The following NKAIN3 variants were observed in gnomAD, a reference collection of about 807,000 sequenced individuals.
NKAIN3 encodes the protein sodium/potassium-transporting ATPase subunit beta-1-interacting protein 3.
NKAIN3 carries 25 observed loss-of-function variants against 30.2 expected under a neutral mutation model. That is an observed-to-expected ratio of 0.83 (90% CI 0.60 to 1.16). The LOEUF is 1.16. Among genes scored for constraint, NKAIN3 ranks in the 50% most tolerant of loss-of-function variants. The probability of loss-of-function intolerance (pLI) is 0.00; values close to 1 mark genes in which losing one functional copy is unlikely to be tolerated. For synonymous variants in NKAIN3, 91 were observed against 89.6 expected, an observed-to-expected ratio of 1.02 and a Z score of -0.09; for missense variants, 225 against 254.1, an observed-to-expected ratio of 0.89 and a Z score of 0.78.
intron 1 of NKAIN3, among the ~76,000 whole-genome samples, chr8:62,355,774 C>T (rs1430397614): frequency 6.6e-6 from 1 of 152,118 alleles, no homozygotes; most frequent in Non-Finnish European, 1.5e-5. Flanking sequence ...ACATTTAGAG[C>T]CATTTTGGGG....
chr8:62,683,059 A>G (rs1334954036), intron 3 of NKAIN3, among the ~76,000 whole-genome samples: 5 of 151,784 alleles, frequency 3.3e-5, no homozygotes, highest in Non-Finnish European at 7.4e-5. Context: ...TTTGAGACAG[A>G]GTCTAGCTCT....
At chr8:62,937,445 T>A (rs1822819863) in intron 5 of NKAIN3, among the ~76,000 whole-genome samples, 1 of 152,086 alleles carries the variant, frequency 6.6e-6, no homozygotes, top group Non-Finnish European at 1.5e-5. Flanking sequence ...GAATTTAACC[T>A]TACCTAGAGC....
intron 1 of NKAIN3, among the ~76,000 whole-genome samples, chr8:62,431,726 T>C (rs762807769): frequency 3.3e-5 from 5 of 151,770 alleles, no homozygotes; most frequent in Non-Finnish European, 7.4e-5. Flanking sequence ...TTAGGTAACC[T>C]GAAAAAAAGA....
intron 3 of NKAIN3, among the ~76,000 whole-genome samples, chr8:62,615,416 G>C (rs1426175278): frequency 1.3e-5 from 2 of 152,080 alleles, no homozygotes; most frequent in Non-Finnish European, 2.9e-5. Context: ...TTTTGGAGTG[G>C]CGAGCTGTGA....
At chr8:62,648,560 G>T (rs1297540823) in intron 3 of NKAIN3, among the ~76,000 whole-genome samples, 1 of 152,084 alleles carries the variant, frequency 6.6e-6, no homozygotes, top group Non-Finnish European at 1.5e-5. Flanking sequence ...ATACACAGGG[G>T]TATATCACCT....
chr8:62,793,657 A>G (rs1418242105), intron 4 of NKAIN3, among the ~76,000 whole-genome samples: 2 of 152,108 alleles, frequency 1.3e-5, no homozygotes, highest in African/African-American at 2.4e-5. Context: ...AGAAGTGATT[A>G]TGGTGGGCAG....
intron 3 of NKAIN3, among the ~76,000 whole-genome samples, chr8:62,590,950 G>A (rs988653833): frequency 1.3e-5 from 2 of 151,882 alleles, no homozygotes; most frequent in Non-Finnish European, 2.9e-5. Flanking sequence ...AATTGTGCTA[G>A]CGATTGTAGT....
At chr8:62,575,501 G>T (rs956978285) in intron 1 of NKAIN3, among the ~76,000 whole-genome samples, 3 of 152,178 alleles carry the variant, frequency 2.0e-5, no homozygotes, top group Middle Eastern at 6.8e-3. Context: ...CATGTTTATG[G>T]ATTGAAAGAA....
At chr8:62,805,429 G>T (rs1256452518) in intron 4 of NKAIN3, among the ~76,000 whole-genome samples, 1 of 151,988 alleles carries the variant, frequency 6.6e-6, no homozygotes, top group Non-Finnish European at 1.5e-5. Flanking sequence ...AACCAAAACA[G>T]CATGGTACTG....
chr8:62,800,294 G>T (rs1253086793), intron 4 of NKAIN3, among the ~76,000 whole-genome samples: 1 of 152,166 alleles, frequency 6.6e-6, no homozygotes, highest in East Asian at 1.9e-4. Flanking sequence ...TATGCCAGTG[G>T]TTGATTCTGC....
chr8:62,937,373 G>T (rs947174944), intron 5 of NKAIN3, among the ~76,000 whole-genome samples: 1 of 152,286 alleles, frequency 6.6e-6, no homozygotes, highest in East Asian at 1.9e-4. Context: ...GTGAGAGGGG[G>T]AATGTCTGTT....
chr8:62,428,317 T>C (rs1429512970), intron 1 of NKAIN3, among the ~76,000 whole-genome samples: 1 of 151,938 alleles, frequency 6.6e-6, no homozygotes, highest in Non-Finnish European at 1.5e-5. Flanking sequence ...AGTGCAGGTG[T>C]CTCTTCAATA....
intron 4 of NKAIN3, among the ~76,000 whole-genome samples, chr8:62,768,125 T>C (rs1424156728): frequency 6.6e-6 from 1 of 152,124 alleles, no homozygotes; most frequent in African/African-American, 2.4e-5. Context: ...GCATCCATCA[T>C]TGGACTGTTC....
intron 1 of NKAIN3, among the ~76,000 whole-genome samples, chr8:62,313,174 C>G (rs142084699): frequency 2.5e-3 from 374 of 152,144 alleles, no homozygotes; most frequent in African/African-American, 8.1e-3. Context: ...CTATTAAAAA[C>G]TAATTGTGAA....
At chr8:62,637,800 C>A (rs961618365) in intron 3 of NKAIN3, among the ~76,000 whole-genome samples, 2 of 151,964 alleles carry the variant, frequency 1.3e-5, no homozygotes, top group Non-Finnish European at 2.9e-5. Context: ...GTGAGGCCAA[C>A]GAGGGGAGAT....
rs185028942 is a variant in NKAIN3 at position 62,252,361 on chromosome 8, G to A, written c.54+3234G>A. Among the ~76,000 whole-genome samples the A allele has an allele frequency of 7.9e-5, 12 of 152,226 alleles. No individual in the cohort carries two copies. The East Asian group carries it at 1.4e-3, about 17-fold the overall frequency. Reference sequence around the variant, plus strand: ...TTAAAGAAACAAATAAAAGCTTTTCGTTATCTTATTCCCATTTTGTCTGAA... The same window carrying A: ...TTAAAGAAACAAATAAAAGCTTTTCATTATCTTATTCCCATTTTGTCTGAA... On this transcript the variant is annotated intron_variant, in intron 1 of 6. Transcript: ENST00000623646.
intron 1 of NKAIN3, among the ~76,000 whole-genome samples, chr8:62,325,843 T>C (rs1245902499): frequency 6.6e-6 from 1 of 152,048 alleles, no homozygotes; most frequent in Non-Finnish European, 1.5e-5. Flanking sequence ...TGTCTATTCA[T>C]GTCCTTTGTC....
intron 1 of NKAIN3, among the ~76,000 whole-genome samples, chr8:62,352,894 G>C (rs866479748): frequency 2.0e-5 from 3 of 152,114 alleles, no homozygotes; most frequent in Non-Finnish European, 4.4e-5. Context: ...TTAGTATTTT[G>C]GAGTGAATGA....
At chr8:62,283,324 G>A (rs373812056) in intron 1 of NKAIN3, among the ~76,000 whole-genome samples, 1 of 151,734 alleles carries the variant, frequency 6.6e-6, no homozygotes, top group Non-Finnish European at 1.5e-5. Context: ...CAATCCTGAT[G>A]ACAAACCCAT....
Sources: gnomAD v4.1 joint callset for allele counts (sites outside exome capture counted in the v4.1 genomes callset) on GRCh38, gnomAD v4.1.1 for gene constraint, MANE v1.5 for transcripts, NCBI Gene and HGNC (gene_info 2026-07-23, HGNC 2026-07-21) for gene names.